Variants in TNS3 observed in about 807,000 individuals in gnomAD.
The protein encoded by TNS3 is tensin 3.
TNS3 carries 45 observed loss-of-function variants against 140.9 expected under a neutral mutation model. The ratio of observed to expected loss-of-function variants is 0.32; its 90% confidence interval spans 0.25 to 0.41. The LOEUF is 0.41. Ranked by LOEUF, TNS3 falls within the 10% of genes least tolerant of loss-of-function variation. TNS3 has a pLI of 1.00. For missense variants in TNS3, 1,716 were observed against 1,906.7 expected (o/e 0.90, Z 1.86); for synonymous variants, 815 against 788.4 (o/e 1.03, Z -0.56).
At chr7:47,502,610 T>G (rs956278434) in intron 3 of TNS3, among the ~76,000 whole-genome samples, 1 of 152,158 alleles carries the variant, frequency 6.6e-6, no homozygotes, top group Non-Finnish European at 1.5e-5. Context: ...TCCGCTGACT[T>G]CCCCAGGACC....
chr7:47,535,543 G>C (rs560489292), intron 1 of TNS3, among the ~76,000 whole-genome samples: 1 of 152,344 alleles, frequency 6.6e-6, no homozygotes, highest in South Asian at 2.1e-4. Flanking sequence ...TCCCAAAGGG[G>C]GAGAGGAGGC....
At chr7:47,362,055 C>A (rs1349698996) in intron 17 of TNS3, among the ~76,000 whole-genome samples, 1 of 152,172 alleles carries the variant, frequency 6.6e-6, no homozygotes, top group Admixed American at 6.5e-5. Context: ...AAACCCACCA[C>A]GTGCAGGCTG....
At chr7:47,498,737 A>G (rs912862235) in intron 3 of TNS3, among the ~76,000 whole-genome samples, 1 of 152,216 alleles carries the variant, frequency 6.6e-6, no homozygotes, top group Non-Finnish European at 1.5e-5. Flanking sequence ...CTTCACTCAT[A>G]ACCAGACAGC....
intron 20 of TNS3, among the ~76,000 whole-genome samples, chr7:47,305,310 C>T (rs1331565403): frequency 6.6e-6 from 1 of 152,240 alleles, no homozygotes; most frequent in Admixed American, 6.5e-5. Flanking sequence ...ATTGGGCCGC[C>T]TGGGCTGGTC....
intron 28 of TNS3, 147 bp from the exon 29 acceptor site, chr7:47,280,501 T>G (rs1785086377): frequency 1.3e-6 from 1 of 770,560 alleles, no homozygotes. Flanking sequence ...GAGAAGAAAG[T>G]GCGTGCTCAT....
intron 2 of TNS3, among the ~76,000 whole-genome samples, chr7:47,516,104 C>T (rs796624924): frequency 6.6e-5 from 10 of 152,288 alleles, no homozygotes; most frequent in African/African-American, 2.4e-4. Flanking sequence ...GTAGCATGTA[C>T]ACAAAGGGAT....
At chr7:47,319,919 C>G (rs1442105386) in intron 20 of TNS3, among the ~76,000 whole-genome samples, 1 of 152,172 alleles carries the variant, frequency 6.6e-6, no homozygotes, top group African/African-American at 2.4e-5. Flanking sequence ...CATCTTCACC[C>G]AGTATTTCTA....
At chr7:47,373,973 C>T (rs548580116) in intron 16 of TNS3, among the ~76,000 whole-genome samples, 2 of 152,280 alleles carry the variant, frequency 1.3e-5, no homozygotes, top group Admixed American at 6.5e-5. Context: ...CCAGGTGTCC[C>T]CACTCTCTGG....
At chr7:47,558,312 G>T (rs1181742627) in intron 1 of TNS3, among the ~76,000 whole-genome samples, 1 of 152,188 alleles carries the variant, frequency 6.6e-6, no homozygotes, top group Non-Finnish European at 1.5e-5. Flanking sequence ...GGCCTGCATT[G>T]TTTTCTTCTT....
intron 4 of TNS3, chr7:47,453,065 G>A (rs893163871): frequency 1.0e-6 from 1 of 985,398 alleles, no homozygotes. Context: ...GGCAGCTCTG[G>A]GCATAAAGGA....
intron 4 of TNS3, chr7:47,452,913 G>A (rs979294916): frequency 2.0e-5 from 20 of 985,380 alleles, no homozygotes; most frequent in African/African-American, 7.0e-5. Flanking sequence ...GAGGCGGCAC[G>A]TGGGGAGTTG....
chr7:47,442,298 A>G (rs562260698), intron 4 of TNS3, among the ~76,000 whole-genome samples: 14 of 152,358 alleles, frequency 9.2e-5, no homozygotes, highest in Non-Finnish European at 2.1e-4. Context: ...GGAGCCAGTG[A>G]GGCCACCCTC....
chr7:47,421,765 G>A (rs1425373580), intron 10 of TNS3, among the ~76,000 whole-genome samples: 3 of 152,168 alleles, frequency 2.0e-5, no homozygotes, highest in African/African-American at 4.8e-5. Context: ...ATGGGCACAT[G>A]TGAGTTTTAC....
chr7:47,495,860 C>G (rs755718374), intron 3 of TNS3, among the ~76,000 whole-genome samples: 1 of 152,234 alleles, frequency 6.6e-6, no homozygotes, highest in Non-Finnish European at 1.5e-5. Context: ...CTGCAGCACA[C>G]CTTCCTCCTC....
rs113235538 is a variant in TNS3 at position 47,282,025 on chromosome 7, C to G, written c.4098-1671G>C. Reference sequence around the variant, plus strand: ...CAGCCTGGCCATGCCCTGAGCCTGACCCTGAGCCCACCAGGTAGATGATCC... The same window carrying G: ...CAGCCTGGCCATGCCCTGAGCCTGAGCCTGAGCCCACCAGGTAGATGATCC... On this transcript the variant is annotated intron_variant, in intron 28 of 30. Coordinates refer to ENST00000311160, the MANE Select transcript of TNS3 (RefSeq NM_022748.12). 5.1e-4 allele frequency among the ~76,000 whole-genome samples: 77 copies of G among 151,164 alleles called. 1 individual carries two copies. The highest frequency in any genetic ancestry group is 1.9e-3 in the African/African-American group (77 of 41,140).
intron 10 of TNS3, among the ~76,000 whole-genome samples, chr7:47,422,485 C>T (rs989335973): frequency 3.9e-5 from 6 of 151,994 alleles, no homozygotes; most frequent in African/African-American, 9.7e-5. Context: ...TGGTGATGTG[C>T]GCCTATAGTC....
At chr7:47,367,915 TCTTCATCCCCAAC>T (rs1185970119) in intron 17 of TNS3, among the ~76,000 whole-genome samples, 22 of 152,260 alleles carry the variant, frequency 1.4e-4, no homozygotes, top group Admixed American at 1.2e-3. Context: ...TCAGTAGTCT[TCTTCATCCCCAAC>T]CTTCAGCCCC....
chr7:47,344,874 C>T, intron 19 of TNS3, 36 bp from the exon 20 acceptor site: 1 of 1,613,308 alleles, frequency 6.2e-7, no homozygotes, highest in Non-Finnish European at 8.5e-7. Flanking sequence ...CTGTTGTCAC[C>T]CTCCTTGGGC....
Position 47,354,809 on chromosome 7 carries a change from C to A in TNS3, c.2282-8453G>T, listed in dbSNP as rs565618443. ...TTTTTCTTTACACAGTCTTGTGCCC[C>A]TCTTGTCGCGGTGACACGCTCATTG... On this transcript the variant is annotated intron_variant, in intron 17 of 30. Transcript: ENST00000311160. 4.5e-4 allele frequency among the ~76,000 whole-genome samples: 69 copies of A among 152,276 alleles called. 2 individuals are homozygous for A. In the South Asian group the frequency reaches 6.2e-3, roughly 14 times the overall value.
Sources: allele counts gnomAD v4.1 joint callset (sites outside exome capture counted in the v4.1 genomes callset), GRCh38; gene constraint gnomAD v4.1.1; transcripts MANE v1.5; gene names NCBI Gene and HGNC (gene_info 2026-07-23, HGNC 2026-07-21).